Variants in ISLR2 observed in about 807,000 individuals in gnomAD.
The protein encoded by ISLR2 is immunoglobulin superfamily containing leucine-rich repeat protein 2.
ISLR2 carries 16 observed loss-of-function variants against 25.5 expected under a neutral mutation model. The ratio of observed to expected loss-of-function variants is 0.63; its 90% CI spans 0.43 to 0.95. The LOEUF is 0.95. Ranked by LOEUF, ISLR2 falls within the 40% of genes least tolerant of loss-of-function variation. The pLI, the probability that ISLR2 is intolerant of heterozygous loss-of-function variation, is 0.00. For synonymous variants in ISLR2, 508 were observed against 486.6 expected (o/e 1.04, Z -0.58); for missense variants, 883 against 1,030.7 (o/e 0.86, Z 1.96).
chr15:74,134,790 A>T lies in ISLR2; in HGVS notation c.2036A>T (p.Glu679Val). The T allele has an allele frequency of 6.2e-7, 1 of 1,613,964 alleles. No homozygotes were observed. Among genetic ancestry groups the T allele is most frequent in the Non-Finnish European group, 8.5e-7 (1 of 1,179,952 alleles). Residue 679 changes from glutamate to valine, a missense_variant, in exon 3 of 3, where the codon GAA becomes GTA. Physicochemically the swap from Glu to Val is moderately radical, Grantham distance 121. Around this residue, in one of 2 missense-constraint regions of ISLR2, gnomAD observed 612 missense variants for 642.8 expected, o/e 0.95. Transcript: ENST00000453268. ...GACGTGCAGGGGGAGGGCCTTGATG[A>T]AGACGCGGAGCAGGGAGACCCAAGT... is the stretch of plus-strand genomic sequence containing the variant. Reference protein sequence around the residue: ...PEDVQGEGLDEDAEQGDPSGD... With the variant: ...PEDVQGEGLDVDAEQGDPSGD...
At chr15:74,140,248 C>G (rs1001580197), downstream of ISLR2, among the ~76,000 whole-genome samples, 3 of 152,130 alleles carry the variant, frequency 2.0e-5, no homozygotes, top group African/African-American at 7.2e-5. Flanking sequence ...TGGAATGCAG[C>G]CCTCCACCCA....
downstream of ISLR2, among the ~76,000 whole-genome samples, chr15:74,139,576 C>T (rs901983440): frequency 2.6e-5 from 4 of 152,144 alleles, no homozygotes; most frequent in African/African-American, 7.2e-5. Context: ...TTCCACTCCC[C>T]GCTTCCAGGG....
At chr15:74,105,711 C>G (rs2072114247) in intron 2 of ISLR2, among the ~76,000 whole-genome samples, 1 of 151,768 alleles carries the variant, frequency 6.6e-6, no homozygotes, top group Non-Finnish European at 1.5e-5. Flanking sequence ...TGGCAGCGAG[C>G]CAAGCAATAA....
chr15:74,138,198 C>CA (rs2072588802), downstream of ISLR2: 1 of 151,932 alleles, frequency 6.6e-6, no homozygotes, highest in Admixed American at 6.6e-5. Context: ...CTTGCCCTCT[C>CA]AGCACACTCC....
Position 74,132,844 on chromosome 15 carries a change from C to T in ISLR2, c.90C>T (p.Tyr30=), listed in dbSNP as rs777398288. The T allele has an allele frequency of 6.2e-6, 10 of 1,614,112 alleles. No homozygotes were observed. The Admixed American group carries it at 1.5e-4, about 24-fold the overall frequency. ...AGCCGTGCGCCTGCGTGGACAAGTA[C>T]GCTCACCAGTTCGCGGACTGCGCTT... ...CPEPCACVDK[Y]AHQFADCAYK... is the part of the protein sequence containing the mutation. The change falls in exon 3 of 3, where the codon TAC becomes TAT. Residue 30 remains tyrosine (Y), a synonymous_variant. Coordinates refer to ENST00000453268, the MANE Select transcript of ISLR2 (RefSeq NM_020851.3). This position sits in a 1 kb window ranked among gnomAD's most constrained non-coding sequence, Gnocchi z 4.3.
Position 74,134,342 on chromosome 15 carries a change from CTCTA to C in ISLR2, c.1592_1595del (p.Tyr531CysfsTer15), listed in dbSNP as rs1304714440. The C allele has an allele frequency of 3.2e-6, 5 of 1,583,552 alleles. No individual in the cohort carries two copies. The highest frequency in any genetic ancestry group is 1.1e-5 in the South Asian group (1 of 87,550). On this transcript the variant is annotated frameshift_variant, in exon 3 of 3. Coordinates refer to ENST00000453268, the MANE Select transcript of ISLR2 (RefSeq NM_020851.3). LOFTEE classifies it high-confidence loss of function. ...ACCCGGGCGGCGACCCCTGCGCCTA[CTCTA>C]TCTGTGTCCAGCGGGGGGCGGCGCG... is the stretch of plus-strand genomic sequence containing the variant.
chr15:74,117,635 A>C (rs1481760566), intron 2 of ISLR2, among the ~76,000 whole-genome samples: 1 of 152,108 alleles, frequency 6.6e-6, no homozygotes, highest in African/African-American at 2.4e-5. Flanking sequence ...GAAAGCTATG[A>C]TTGTGCCACT....
In ISLR2 at chr15:74,120,405, C is replaced by T. The variant is rs550888244; in HGVS notation, n.229-10802C>T. ...GTGTGATGGCGTGTGCCTGTAATCC[C>T]AAGCTACTCCAGAGTCTGAGGTGGG... On this transcript the variant is annotated intron_variant and non_coding_transcript_variant, in intron 2 of 3. Transcript: ENST00000561975. 5.5e-4 allele frequency among the ~76,000 whole-genome samples: 83 copies of T among 151,776 alleles called. No homozygotes were observed. In the South Asian group the frequency reaches 7.9e-3, roughly 14 times the overall value.
Position 74,134,024 on chromosome 15 carries a change from A to G in ISLR2, c.1270A>G (p.Lys424Glu). 6.2e-7 allele frequency: 1 copy of G among 1,613,492 alleles called. No homozygotes were observed. ...EGKIKGQGLA[K>E]VSILGETETE... ...CAAAATCAAAGGCCAAGGCCTGGCC[A>G]AGGTCAGCATTCTCGGGGAGACCGA... Residue 424 changes from lysine (K) to glutamate (E), a missense_variant, in exon 3 of 3, where the codon AAG (lysine) becomes GAG (glutamate). Around this residue, in one of 2 missense-constraint regions of ISLR2, gnomAD observed 612 missense variants for 642.8 expected, o/e 0.95. Coordinates refer to ENST00000453268, the MANE Select transcript of ISLR2 (RefSeq NM_020851.3).
At chr15:74,112,969 A>G (rs2072181234) in intron 2 of ISLR2, among the ~76,000 whole-genome samples, 1 of 152,122 alleles carries the variant, frequency 6.6e-6, no homozygotes. Flanking sequence ...CTGGGACCAC[A>G]GGCACATGCC....
At position 74,132,355 on chromosome 15, in the gene ISLR2, G is replaced by A. The variant is rs976295571; in HGVS notation, c.-8-392G>A. ...GTTCCAGGGAGGACAGCCAGTCACG[G>A]ACAAAAATGTCCTTCTTGGGTAGGA... On this transcript the variant is annotated intron_variant, in intron 2 of 2. Coordinates refer to ENST00000453268, the MANE Select transcript of ISLR2 (RefSeq NM_020851.3). This position sits in a 1 kb window ranked among gnomAD's most constrained non-coding sequence, Gnocchi z 4.3. Among the ~76,000 whole-genome samples the A allele has an allele frequency of 6.6e-6, 1 of 152,172 alleles. No homozygotes were observed.
chr15:74,109,848 T>C (rs1039932442), intron 2 of ISLR2, among the ~76,000 whole-genome samples: 13 of 151,984 alleles, frequency 8.6e-5, no homozygotes, highest in Non-Finnish European at 1.9e-4. Flanking sequence ...CAGGCTGGAG[T>C]ATAATGGTGC....
intron 2 of ISLR2, among the ~76,000 whole-genome samples, chr15:74,105,762 T>G (rs112083545): frequency 1.3e-5 from 2 of 152,182 alleles, no homozygotes; most frequent in South Asian, 4.2e-4. Flanking sequence ...TCACCATTCC[T>G]GGAGGAAAAG....
downstream of ISLR2, chr15:74,136,861 G>C (rs2072575315): frequency 1.8e-5 from 3 of 166,602 alleles, no homozygotes; most frequent in Admixed American, 2.0e-4. Context: ...GATGAAGGAG[G>C]AAACCGCGGA....
At position 74,135,520 on chromosome 15, in the gene ISLR2, T is replaced by A. The variant is rs185894474; in HGVS notation, c.*528T>A. ...ATTTTATTTATTTATTTATTTATTT[T>A]TTGACGGAGTCTTGGTCTGTCGCCA... is the stretch of plus-strand genomic sequence containing the variant. On this transcript the variant is annotated 3_prime_UTR_variant, in exon 3 of 3. Coordinates refer to ENST00000453268, the MANE Select transcript of ISLR2 (RefSeq NM_020851.3). 4.1e-3 allele frequency: 686 copies of A among 166,248 alleles called. 7 individuals carry two copies. Among genetic ancestry groups the A allele is most frequent in the East Asian group, 9.6e-3 (50 of 5,182 alleles). The allele number at this position is 166,248 out of a possible 1,614,324, so 10.3% of individuals were successfully genotyped here.
chr15:74,100,429 C>T (rs1432498857), exon 1 of ISLR2: 4 of 791,866 alleles, frequency 5.1e-6, no homozygotes, highest in Admixed American at 4.9e-5. Flanking sequence ...GCGCCAACCG[C>T]CGGTTTAACT....
upstream of ISLR2, chr15:74,127,533 G>A (rs1404549775): frequency 6.6e-6 from 1 of 152,344 alleles, no homozygotes; most frequent in Non-Finnish European, 1.5e-5. Flanking sequence ...GTGGGCACGG[G>A]AAGTAAAGCC....
chr15:74,135,288 C>T lies in ISLR2; in HGVS notation c.*296C>T, dbSNP rs1002141237. The T allele has an allele frequency of 1.9e-5, 7 of 367,774 alleles. No individual in the cohort carries two copies. Among genetic ancestry groups the T allele is most frequent in the Middle Eastern group, 7.7e-4 (1 of 1,306 alleles). The allele number at this position is 367,774 out of a possible 1,614,324, so 22.8% of individuals were successfully genotyped here. A position where few individuals can be genotyped will look rare whatever the true frequency, so the allele number is the denominator to read the frequency against. ...GCAGACGGTGGGCGATATCTATGTC[C>T]CTCCATTCCCGTCGCGATTATCTGC... is the stretch of plus-strand genomic sequence containing the variant. On this transcript the variant is annotated 3_prime_UTR_variant, in exon 3 of 3. Coordinates refer to ENST00000453268, the MANE Select transcript of ISLR2 (RefSeq NM_020851.3).
rs776287176 is a variant in ISLR2, at chr15:74,132,946, T to C, written c.192T>C (p.Thr64=). Residue 64 remains threonine (T), a synonymous_variant, in exon 3 of 3, where the codon ACT becomes ACC. Coordinates refer to ENST00000453268, the MANE Select transcript of ISLR2 (RefSeq NM_020851.3). The surrounding 1 kb of genome is among the most constrained non-coding windows in gnomAD (Gnocchi z 4.3). ...TTLSLSANKI[T]VLRRGAFADV... is the part of the protein sequence containing the mutation. ...TTAGTCTGTCCGCGAACAAGATCAC[T>C]GTGCTGCGGCGCGGGGCCTTCGCCG... The C allele has an allele frequency of 1.6e-5, 26 of 1,613,938 alleles. No homozygotes were observed. Among genetic ancestry groups the C allele is most frequent in the Admixed American group, 1.2e-4 (7 of 60,006 alleles).
Sources: gnomAD v4.1 joint callset for allele counts (sites outside exome capture counted in the v4.1 genomes callset) on GRCh38, gnomAD v4.1.1 for gene constraint, gnomAD v4.1.1 regional missense constraint, Gnocchi (gnomAD v3.1) non-coding constraint, MANE v1.5 for transcripts, NCBI Gene and HGNC (gene_info 2026-07-23, HGNC 2026-07-21) for gene names.